The following SLC35F1 variants were observed in gnomAD, a reference collection of about 807,000 sequenced individuals.
SLC35F1 encodes chromosome 6 open reading frame 169.
Under a neutral mutation model 48.7 loss-of-function variants are expected in SLC35F1, and 14 were observed. The observed-to-expected ratio is 0.29, with a 90% CI of 0.19 to 0.45. The LOEUF (loss-of-function observed/expected upper bound fraction) is 0.45, where lower values mean the gene tolerates loss of function less well. Among genes scored for constraint, SLC35F1 ranks in the 20% least tolerant of loss-of-function variants. The pLI is 1.00. For missense variants in SLC35F1, 404 were observed against 500.0 expected (o/e 0.81, Z 1.83); for synonymous variants, 190 against 202.2 (o/e 0.94, Z 0.51).
At chr6:118,193,962 T>G (rs1457708750) in intron 2 of SLC35F1, among the ~76,000 whole-genome samples, 1 of 152,218 alleles carries the variant, frequency 6.6e-6, no homozygotes, top group Non-Finnish European at 1.5e-5. Flanking sequence ...ATTACAAAAG[T>G]CACATGAACT....
chr6:118,170,590 C>T (rs2114494760), intron 2 of SLC35F1, among the ~76,000 whole-genome samples: 1 of 152,194 alleles, frequency 6.6e-6, no homozygotes, highest in African/African-American at 2.4e-5. Context: ...TAGGTGTGCA[C>T]CACCATGCCC....
intron 1 of SLC35F1, among the ~76,000 whole-genome samples, chr6:118,069,964 G>A (rs1167892915): frequency 6.6e-6 from 1 of 150,568 alleles, no homozygotes; most frequent in African/African-American, 2.4e-5. Flanking sequence ...GTGAAACCCC[G>A]TCTCTACTAA....
chr6:117,983,500 C>T (rs1248963725), intron 1 of SLC35F1, among the ~76,000 whole-genome samples: 5 of 152,102 alleles, frequency 3.3e-5, no homozygotes, highest in South Asian at 4.1e-4. Flanking sequence ...TCACTTGAAC[C>T]CAGGAGGCAG....
chr6:118,250,054 G>T (rs995248624), intron 3 of SLC35F1, among the ~76,000 whole-genome samples: 1 of 152,166 alleles, frequency 6.6e-6, no homozygotes, highest in Admixed American at 6.5e-5. Context: ...ATTATTCATT[G>T]CTTCATTGGT....
At chr6:118,250,099 G>A (rs1009710327) in intron 3 of SLC35F1, among the ~76,000 whole-genome samples, 7 of 152,150 alleles carry the variant, frequency 4.6e-5, no homozygotes, top group South Asian at 2.1e-4. Context: ...TCTGCCAGGC[G>A]ATGCAATGAG....
intron 1 of SLC35F1, among the ~76,000 whole-genome samples, chr6:118,005,526 G>A (rs1326518342): frequency 6.6e-6 from 1 of 151,930 alleles, no homozygotes; most frequent in Non-Finnish European, 1.5e-5. Context: ...CCCAATTTTA[G>A]TCTCATCTTC....
intron 1 of SLC35F1, among the ~76,000 whole-genome samples, chr6:118,092,265 G>T (rs1291831213): frequency 6.6e-6 from 1 of 152,164 alleles, no homozygotes; most frequent in Non-Finnish European, 1.5e-5. Flanking sequence ...CTCATCACAG[G>T]CCTGGAGGCC....
At chr6:118,078,965 C>T (rs751723400) in intron 1 of SLC35F1, among the ~76,000 whole-genome samples, 9 of 152,128 alleles carry the variant, frequency 5.9e-5, no homozygotes, top group African/African-American at 1.9e-4. Context: ...CTTTAGATAC[C>T]GTGTAGCCTG....
At chr6:117,978,225 G>A (rs917658049) in intron 1 of SLC35F1, among the ~76,000 whole-genome samples, 1 of 151,986 alleles carries the variant, frequency 6.6e-6, no homozygotes, top group African/African-American at 2.4e-5. Context: ...AGAAATAAGG[G>A]CCTATTTTCT....
intron 1 of SLC35F1, among the ~76,000 whole-genome samples, chr6:117,917,471 G>A (rs570404971): frequency 6.6e-6 from 1 of 152,060 alleles, no homozygotes; most frequent in South Asian, 2.1e-4. Flanking sequence ...CAGAAGTGGA[G>A]ACAAGCGGTT....
At chr6:118,108,822 TACAG>T (rs1430686548) in intron 1 of SLC35F1, among the ~76,000 whole-genome samples, 1 of 152,188 alleles carries the variant, frequency 6.6e-6, no homozygotes, top group Non-Finnish European at 1.5e-5. Flanking sequence ...CTTCTTATGT[TACAG>T]TGACATTTTA....
intron 2 of SLC35F1, among the ~76,000 whole-genome samples, chr6:118,194,971 A>T (rs567178733): frequency 3.9e-4 from 59 of 152,184 alleles, no homozygotes; most frequent in African/African-American, 1.4e-3. Flanking sequence ...AAGGAGTTTC[A>T]TCCGGTAACC....
chr6:117,999,826 C>T (rs11153712), intron 1 of SLC35F1, among the ~76,000 whole-genome samples: 54,639 of 149,764 alleles, frequency 0.36, 10,230 homozygotes, highest in South Asian at 0.5. Flanking sequence ...AACACCTCTA[C>T]GCAAATAAAC....
chr6:118,032,092 T>C (rs1050776876), intron 1 of SLC35F1, among the ~76,000 whole-genome samples: 1 of 152,222 alleles, frequency 6.6e-6, no homozygotes, highest in Non-Finnish European at 1.5e-5. Context: ...TATAAAATAT[T>C]TCACAGTATA....
chr6:118,239,652 T>C (rs1246649829), intron 3 of SLC35F1, among the ~76,000 whole-genome samples: 1 of 152,166 alleles, frequency 6.6e-6, no homozygotes, highest in Non-Finnish European at 1.5e-5. Context: ...AGTTCAAACC[T>C]ATGTTCTATA....
In SLC35F1 at chr6:118,154,499, AAT is replaced by A; in HGVS notation, c.229_230del (p.Ile77TrpfsTer4). ...GQVLSLLICGIGLTSKYLSED... is the reference protein window; with the variant it reads ...GQVLSLLICGXGLTSKYLSED... The stretch of plus-strand genomic sequence containing the variant: ...AGGTGTTATCCCTCCTTATTTGTGG[AAT>A]TGGCTTGACTAGCAAGTATCTGTCA... On this transcript the variant is annotated frameshift_variant, in exon 2 of 8. Coordinates refer to ENST00000360388, the MANE Select transcript of SLC35F1 (RefSeq NM_001029858.4). LOFTEE classifies it high-confidence loss of function. 6.2e-7 allele frequency: 1 copy of A among 1,613,848 alleles called. No homozygotes were observed. Among genetic ancestry groups the A allele is most frequent in the Non-Finnish European group, 8.5e-7 (1 of 1,179,884 alleles).
intron 1 of SLC35F1, among the ~76,000 whole-genome samples, chr6:118,152,905 C>T (rs1774083965): frequency 1.3e-5 from 2 of 152,158 alleles, no homozygotes; most frequent in African/African-American, 4.8e-5. Context: ...AGCATACTGA[C>T]ATTTTAAACA....
chr6:118,101,512 A>T (rs1485650742), intron 1 of SLC35F1, among the ~76,000 whole-genome samples: 1 of 152,206 alleles, frequency 6.6e-6, no homozygotes, highest in Non-Finnish European at 1.5e-5. Context: ...GATATCTAAG[A>T]ACTGAAGACT....
Position 118,275,571 on chromosome 6 carries a change from G to T in SLC35F1, c.750G>T (p.Leu250=). 6.2e-7 allele frequency: 1 copy of T among 1,613,860 alleles called. No individual in the cohort carries two copies. The highest frequency in any genetic ancestry group is 8.5e-7 in the Non-Finnish European group (1 of 1,179,886). The part of the protein sequence containing the change: ...IIRTLSRVEF[L]GMIGLFGAFF... Reference sequence around the variant, plus strand: ...GAACTCTGAGCCGAGTGGAATTCCTGGGAATGATTGGTCTCTTTGGAGCAT... The same window carrying T: ...GAACTCTGAGCCGAGTGGAATTCCTTGGAATGATTGGTCTCTTTGGAGCAT... The change falls in exon 5 of 8, where the codon CTG becomes CTT. Residue 250 remains leucine (L), a synonymous_variant. Transcript: ENST00000360388.
Sources: gnomAD v4.1 joint callset for allele counts (sites outside exome capture counted in the v4.1 genomes callset) on GRCh38, gnomAD v4.1.1 for gene constraint, MANE v1.5 for transcripts, NCBI Gene and HGNC (gene_info 2026-07-23, HGNC 2026-07-21) for gene names.